The following HSPA12A variants were observed in gnomAD, a reference collection of about 807,000 sequenced individuals.
HSPA12A encodes the protein heat shock 70 kDa protein 12A.
A neutral mutation model predicts 69.2 loss-of-function variants in HSPA12A; 28 were observed. The ratio of observed to expected loss-of-function variants is 0.40; its 90% CI spans 0.30 to 0.55. The LOEUF (loss-of-function observed/expected upper bound fraction) is 0.55, where lower values mean the gene tolerates loss of function less well. HSPA12A is among the 20% of genes least tolerant of loss of function. HSPA12A has a pLI of 0.38. For synonymous variants in HSPA12A, 345 were observed against 370.5 expected, an observed-to-expected ratio of 0.93 and a Z score of 0.79; for missense variants, 686 against 900.7, an observed-to-expected ratio of 0.76 and a Z score of 3.05.
At chr10:116,696,736 C>T (rs1304638183) in intron 5 of HSPA12A, among the ~76,000 whole-genome samples, 2 of 152,154 alleles carry the variant, frequency 1.3e-5, no homozygotes, top group African/African-American at 4.8e-5. Context: ...TCTGCACTAC[C>T]TTATCCTGAG....
chr10:116,676,691 A>G (rs1554877781), intron 10 of HSPA12A, among the ~76,000 whole-genome samples, 189 bp from the exon 11 acceptor site: 1 of 152,206 alleles, frequency 6.6e-6, no homozygotes, highest in African/African-American at 2.4e-5. Flanking sequence ...TCAAAAGCTA[A>G]GACATAATCT....
intron 3 of HSPA12A, among the ~76,000 whole-genome samples, chr10:116,701,492 CAGAT>C (rs759890850): frequency 3.5e-4 from 53 of 152,218 alleles, no homozygotes; most frequent in Non-Finnish European, 6.0e-4. Flanking sequence ...CACTCAATAG[CAGAT>C]ATACTGCTAG....
At chr10:116,719,158 C>CTGA (rs1334374805) in intron 1 of HSPA12A, among the ~76,000 whole-genome samples, 3 of 152,228 alleles carry the variant, frequency 2.0e-5, no homozygotes, top group Non-Finnish European at 4.4e-5. Flanking sequence ...GTGATCCCTC[C>CTGA]TGATAACTTG....
chr10:116,706,618 G>A (rs1014245), intron 2 of HSPA12A, among the ~76,000 whole-genome samples: 44,172 of 152,032 alleles, frequency 0.29, 6,788 homozygotes, highest in Middle Eastern at 0.4. Flanking sequence ...GTGCATCTAC[G>A]TGCACACCCC....
intron 1 of HSPA12A, among the ~76,000 whole-genome samples, chr10:116,738,451 A>G (rs565264547): frequency 6.6e-6 from 1 of 152,292 alleles, no homozygotes; most frequent in East Asian, 1.9e-4. Flanking sequence ...ACAGCACAAG[A>G]TTTTAGGCTC....
chr10:116,805,251 G>C (rs1845044459), intron 2 of HSPA12A, among the ~76,000 whole-genome samples: 2 of 152,196 alleles, frequency 1.3e-5, no homozygotes, highest in Non-Finnish European at 2.9e-5. Context: ...GGGAGGCGGA[G>C]CTTGCAGTGA....
At chr10:116,738,081 T>A (rs1665638) in intron 1 of HSPA12A, among the ~76,000 whole-genome samples, 12,866 of 152,232 alleles carry the variant, frequency 0.085, 1,094 homozygotes, top group East Asian at 0.37. Context: ...ATAAAGATGC[T>A]TTCTCCCTTA....
In HSPA12A at chr10:116,729,886, AC is replaced by A. The variant is rs1851098646; in HGVS notation, c.40+12543del. ...CAGCCAGCTCCACTCCCTAATATCA[AC>A]CTTTCTGAGTACCTCGTGTGTGCCC... On this transcript the variant is annotated intron_variant, in intron 1 of 11. Transcript: ENST00000369209. 3.3e-5 allele frequency among the ~76,000 whole-genome samples: 5 copies of A among 152,156 alleles called. No individual in the cohort carries two copies. In the South Asian group the frequency reaches 1.0e-3, roughly 32 times the overall value.
Position 116,672,145 on chromosome 10 carries a change from C to T in HSPA12A, c.*2636G>A, listed in dbSNP as rs1849102115. On this transcript the variant is annotated 3_prime_UTR_variant, in exon 12 of 12. Coordinates refer to ENST00000369209, the MANE Select transcript of HSPA12A (RefSeq NM_025015.3). Reference sequence around the variant, plus strand: ...GGCTTGACCATGTTACTCACACTTACACTTAGCCCAGCAGAAAAGCTGGGC... The same window carrying T: ...GGCTTGACCATGTTACTCACACTTATACTTAGCCCAGCAGAAAAGCTGGGC... 1 of 152,254 alleles carries T rather than the reference C, an allele frequency of 6.6e-6. No homozygotes were observed. Among genetic ancestry groups the T allele is most frequent in the Non-Finnish European group, 1.5e-5 (1 of 68,054 alleles). 9.4% of individuals were successfully genotyped at this position (152,254 alleles called of 1,614,324 possible).
intron 2 of HSPA12A, among the ~76,000 whole-genome samples, chr10:116,799,256 G>A (rs566039855): frequency 1.3e-5 from 2 of 152,256 alleles, no homozygotes; most frequent in East Asian, 3.9e-4. Flanking sequence ...AGTTTCCTCT[G>A]GTCACCTTCC....
At chr10:116,822,825 C>A (rs1419549333) in intron 2 of HSPA12A, among the ~76,000 whole-genome samples, 1 of 152,186 alleles carries the variant, frequency 6.6e-6, no homozygotes, top group African/African-American at 2.4e-5. Context: ...AAATCACTCT[C>A]ACTCCTAGAC....
intron 6 of HSPA12A, among the ~76,000 whole-genome samples, chr10:116,689,990 T>C (rs1316474055): frequency 6.6e-6 from 1 of 152,190 alleles, no homozygotes; most frequent in Non-Finnish European, 1.5e-5. Flanking sequence ...ACAGGAACAC[T>C]CAGGATAATG....
chr10:116,836,940 G>A (rs1341175784), intron 1 of HSPA12A, among the ~76,000 whole-genome samples: 1 of 152,174 alleles, frequency 6.6e-6, no homozygotes, highest in Non-Finnish European at 1.5e-5. Flanking sequence ...TTGGGGAAGG[G>A]TCTTCGTTTC....
intron 2 of HSPA12A, among the ~76,000 whole-genome samples, chr10:116,795,081 G>T (rs1177663443): frequency 1.3e-5 from 2 of 152,066 alleles, no homozygotes; most frequent in African/African-American, 4.8e-5. Flanking sequence ...ATCTTAGAAG[G>T]GGGATAAATA....
chr10:116,821,171 G>A (rs890103365), intron 2 of HSPA12A, among the ~76,000 whole-genome samples: 43 of 152,114 alleles, frequency 2.8e-4, no homozygotes, highest in African/African-American at 1.0e-3. Context: ...TATAAGTACA[G>A]AATGTAAGAT....
At chr10:116,793,380 A>G (rs1326425161) in intron 2 of HSPA12A, among the ~76,000 whole-genome samples, 3 of 152,098 alleles carry the variant, frequency 2.0e-5, no homozygotes, top group Admixed American at 2.0e-4. Context: ...AGACCAGCCT[A>G]GGCAACATGA....
intron 5 of HSPA12A, among the ~76,000 whole-genome samples, chr10:116,695,928 G>C (rs184671442): frequency 2.4e-4 from 36 of 150,088 alleles, no homozygotes; most frequent in African/African-American, 8.3e-4. Context: ...GCTTGAACCT[G>C]GGAGGCAGAG....
intron 2 of HSPA12A, among the ~76,000 whole-genome samples, chr10:116,824,648 A>G (rs559953328): frequency 4.6e-5 from 7 of 152,214 alleles, no homozygotes; most frequent in South Asian, 4.2e-4. Flanking sequence ...TTGTTTGTTT[A>G]TTTTGAGATG....
chr10:116,694,733 C>T (rs782767990), intron 5 of HSPA12A, among the ~76,000 whole-genome samples: 5 of 152,218 alleles, frequency 3.3e-5, no homozygotes, highest in Admixed American at 6.5e-5. Context: ...CAGACACATC[C>T]TCACGTGGCC....
Sources: gnomAD v4.1 joint callset for allele counts (sites outside exome capture counted in the v4.1 genomes callset) on GRCh38, gnomAD v4.1.1 for gene constraint, MANE v1.5 for transcripts, NCBI Gene and HGNC (gene_info 2026-07-23, HGNC 2026-07-21) for gene names.